The following CADPS2 variants were observed in gnomAD, a reference collection of about 807,000 sequenced individuals.
CADPS2 encodes calcium dependent secretion activator 2, also known as calcium-dependent secretion activator 2.
Under a neutral mutation model 172.5 loss-of-function variants are expected in CADPS2, and 93 were observed. That is an observed-to-expected ratio of 0.54 (90% confidence interval 0.46 to 0.64). The LOEUF (loss-of-function observed/expected upper bound fraction) is 0.64, where lower values mean the gene tolerates loss of function less well. Ranked by LOEUF, CADPS2 falls within the 30% of genes least tolerant of loss-of-function variation. CADPS2 has a pLI of 0.00. For missense variants in CADPS2, 1,420 were observed against 1,565.9 expected (o/e 0.91, Z 1.57); for synonymous variants, 546 against 555.2 (o/e 0.98, Z 0.23).
chr7:122,737,015 A>G lies in CADPS2; in HGVS notation c.393T>C (p.Asn131=). ...CGTCAGCTACAATTTGGGTTTCCCC[A>G]TTGAGGAAGGCCTGGAACCGTTCTT... is the stretch of plus-strand genomic sequence containing the variant. ...LLKERFQAFL[N]GETQIVADEA... is the part of the protein sequence containing the mutation. Residue 131 remains asparagine (N), a synonymous_variant, in exon 2 of 30, where the codon AAT becomes AAC. Transcript: ENST00000449022. 6.2e-7 allele frequency: 1 copy of G among 1,613,020 alleles called. No homozygotes were observed. Among genetic ancestry groups the G allele is most frequent in the Non-Finnish European group, 8.5e-7 (1 of 1,179,102 alleles).
chr7:122,813,429 G>T (rs1293278479), intron 1 of CADPS2, among the ~76,000 whole-genome samples: 1 of 151,856 alleles, frequency 6.6e-6, no homozygotes, highest in Non-Finnish European at 1.5e-5. Context: ...TTGCTAAAAC[G>T]TTACTGTGAA....
At chr7:122,500,738 G>A (rs777415887) in intron 9 of CADPS2, among the ~76,000 whole-genome samples, 13 of 151,958 alleles carry the variant, frequency 8.6e-5, no homozygotes, top group Non-Finnish European at 1.6e-4. Context: ...CAATAACTTA[G>A]GAAACAACTA....
chr7:122,675,866 A>C (rs2082332087), intron 2 of CADPS2, among the ~76,000 whole-genome samples: 4 of 152,098 alleles, frequency 2.6e-5, no homozygotes, highest in Admixed American at 2.0e-4. Context: ...CAAACACCCA[A>C]TGCACACAGG....
At chr7:122,809,903 T>TTCAG (rs1563071934) in intron 1 of CADPS2, among the ~76,000 whole-genome samples, 2 of 152,144 alleles carry the variant, frequency 1.3e-5, no homozygotes, top group African/African-American at 4.8e-5. Context: ...TTTCCAAAAT[T>TTCAG]TCAGTCATTC....
intron 1 of CADPS2, among the ~76,000 whole-genome samples, chr7:122,801,036 G>C (rs1278119927): frequency 1.3e-5 from 2 of 149,436 alleles, no homozygotes; most frequent in Admixed American, 1.3e-4. Flanking sequence ...TCTTACCTTG[G>C]GGTAATTAAG....
intron 8 of CADPS2, among the ~76,000 whole-genome samples, chr7:122,521,828 G>A (rs1418081157): frequency 1.3e-5 from 2 of 152,044 alleles, no homozygotes; most frequent in Non-Finnish European, 2.9e-5. Context: ...TTATAGAATT[G>A]TCCCTCTTCC....
chr7:122,729,094 A>C (rs2091393873), intron 2 of CADPS2, among the ~76,000 whole-genome samples: 1 of 151,772 alleles, frequency 6.6e-6, no homozygotes, highest in African/African-American at 2.4e-5. Context: ...CTTAGATTCT[A>C]CATATGAGGG....
intron 1 of CADPS2, among the ~76,000 whole-genome samples, chr7:122,875,410 T>A (rs773340394): frequency 1.3e-5 from 2 of 152,172 alleles, no homozygotes; most frequent in Admixed American, 6.5e-5. Flanking sequence ...GAATTAAATA[T>A]GGCTGGAAAT....
At position 122,730,992 on chromosome 7, in the gene CADPS2, T is replaced by A. The variant is rs553269623; in HGVS notation, c.453+5963A>T. Among the ~76,000 whole-genome samples, 454 of 150,422 alleles carry A rather than the reference T, an allele frequency of 3.0e-3. 1 individual carries two copies. Among genetic ancestry groups the A allele is most frequent in the Non-Finnish European group, 4.0e-3 (266 of 67,300 alleles). On this transcript the variant is annotated intron_variant, in intron 2 of 29. Coordinates refer to ENST00000449022, the MANE Select transcript of CADPS2 (RefSeq NM_017954.11). ...ATTTCATAATAAACATATTGAAAAA[T>A]TTTTTTTTAATTCATTGAAGGAATG...
chr7:122,702,105 T>A, intron 2 of CADPS2: 1 of 1,613,662 alleles, frequency 6.2e-7, no homozygotes, highest in Non-Finnish European at 8.5e-7. Flanking sequence ...TTGGGCACTC[T>A]AGGTGTAAGT....
At chr7:122,334,105 A>G (rs867936731) in intron 28 of CADPS2, among the ~76,000 whole-genome samples, 1 of 152,208 alleles carries the variant, frequency 6.6e-6, no homozygotes, top group Non-Finnish European at 1.5e-5. Flanking sequence ...TGGGGCTTAA[A>G]ATGTGACAGT....
intron 2 of CADPS2, among the ~76,000 whole-genome samples, chr7:122,699,348 C>T (rs189981747): frequency 1.5e-4 from 23 of 152,192 alleles, no homozygotes; most frequent in Admixed American, 8.5e-4. Context: ...ATCTAAAATT[C>T]ATACAATGTG....
Position 122,737,079 on chromosome 7 carries a change from A to G in CADPS2, c.340-11T>C. The stretch of plus-strand genomic sequence containing the variant: ...CTGTTGTTTGTTAAGCTACAAGAAA[A>G]AGAGAAAATAAGCAGATAAATTGGC... On this transcript the variant is annotated splice_polypyrimidine_tract_variant and intron_variant, in intron 1 of 29. Coordinates refer to ENST00000449022, the MANE Select transcript of CADPS2 (RefSeq NM_017954.11). 7.0e-7 allele frequency: 1 copy of G among 1,426,974 alleles called. No homozygotes were observed. The highest frequency in any genetic ancestry group is 9.9e-7 in the Non-Finnish European group (1 of 1,012,324). 88.4% of individuals were successfully genotyped at this position (1,426,974 alleles called of 1,614,324 possible). A position where few individuals can be genotyped will look rare whatever the true frequency, so the allele number is the denominator to read the frequency against.
chr7:122,771,068 C>T lies in CADPS2; in HGVS notation c.340-34000G>A, dbSNP rs546965443. 5.3e-5 allele frequency among the ~76,000 whole-genome samples: 8 copies of T among 152,278 alleles called. 1 individual carries two copies. Among genetic ancestry groups the T allele is most frequent in the African/African-American group, 1.9e-4 (8 of 41,552 alleles). On this transcript the variant is annotated intron_variant, in intron 1 of 29. Transcript: ENST00000449022. ...ATGGGCTTTTTGAAAAATGCCCATA[C>T]TGAGGCTGAACCTCAGGGATTAATT...
chr7:122,707,063 A>T (rs1451271543), intron 2 of CADPS2, among the ~76,000 whole-genome samples: 1 of 151,822 alleles, frequency 6.6e-6, no homozygotes, highest in Non-Finnish European at 1.5e-5. Flanking sequence ...CTAAGGGGAA[A>T]GACATGAACC....
intron 6 of CADPS2, among the ~76,000 whole-genome samples, chr7:122,593,657 T>C (rs897562166): frequency 5.9e-5 from 9 of 151,870 alleles, no homozygotes; most frequent in East Asian, 5.8e-4. Context: ...CCTGAAAAAA[T>C]TGACAGTTTT....
chr7:122,727,880 C>A (rs1021161425), intron 2 of CADPS2, among the ~76,000 whole-genome samples: 1 of 151,854 alleles, frequency 6.6e-6, no homozygotes, highest in South Asian at 2.1e-4. Flanking sequence ...TGGTTAATAT[C>A]AAAAACAGCA....
intron 6 of CADPS2, among the ~76,000 whole-genome samples, chr7:122,613,020 A>G (rs12706424): frequency 0.14 from 22,053 of 152,102 alleles, 1,748 homozygotes; most frequent in African/African-American, 0.2. Context: ...GGACTCTTAC[A>G]TTACACCATA....
intron 6 of CADPS2, among the ~76,000 whole-genome samples, chr7:122,614,766 A>G (rs1392659946): frequency 1.3e-5 from 2 of 152,222 alleles, no homozygotes; most frequent in Non-Finnish European, 2.9e-5. Flanking sequence ...GTCATTGTGC[A>G]GAATCATGGT....
Sources: gnomAD v4.1 joint callset for allele counts (sites outside exome capture counted in the v4.1 genomes callset) on GRCh38, gnomAD v4.1.1 for gene constraint, MANE v1.5 for transcripts, NCBI Gene and HGNC (gene_info 2026-07-23, HGNC 2026-07-21) for gene names.